Variants in WWC1 observed in about 807,000 individuals in gnomAD.
The protein encoded by WWC1 is WW and C2 domain containing 1.
A neutral mutation model predicts 138.4 loss-of-function variants in WWC1; 55 were observed. That is an observed-to-expected ratio of 0.40 (90% confidence interval 0.32 to 0.50). The LOEUF is 0.50. Ranked by LOEUF, WWC1 falls within the 20% of genes least tolerant of loss-of-function variation. WWC1 has a pLI of 0.72. For missense variants in WWC1, 1,226 were observed against 1,420.4 expected (o/e 0.86, Z 2.20); for synonymous variants, 524 against 564.9 (o/e 0.93, Z 1.03).
intron 1 of WWC1, among the ~76,000 whole-genome samples, chr5:168,312,193 G>T (rs1212558565): frequency 6.6e-6 from 1 of 151,722 alleles, no homozygotes; most frequent in Non-Finnish European, 1.5e-5. Context: ...CTCTAGCCTG[G>T]GTGACAGAAC....
At chr5:168,372,266 C>CA (rs1554099498) in intron 2 of WWC1, among the ~76,000 whole-genome samples, 2 of 151,808 alleles carry the variant, frequency 1.3e-5, no homozygotes, top group Admixed American at 1.3e-4. Context: ...AATCCTCCAG[C>CA]GGGGGAGAGT....
At chr5:168,364,004 C>T (rs7731635) in intron 1 of WWC1, among the ~76,000 whole-genome samples, 77,976 of 151,892 alleles carry the variant, frequency 0.51, 20,519 homozygotes, top group African/African-American at 0.6. Flanking sequence ...TTCTTCACAA[C>T]GCGCAGAACT....
intron 1 of WWC1, chr5:168,316,504 C>T (rs115558331): frequency 0.031 from 4,765 of 152,300 alleles, 243 homozygotes; most frequent in African/African-American, 0.1. Flanking sequence ...CCTGACCTAG[C>T]GAGACTCTAG....
intron 5 of WWC1, among the ~76,000 whole-genome samples, chr5:168,403,006 T>TTTCTC (rs1779430807): frequency 9.5e-6 from 1 of 105,608 alleles, no homozygotes; most frequent in African/African-American, 3.7e-5. Context: ...TGTTGTTTCT[T>TTTCTC]TTTCTTTCTT....
chr5:168,312,270 C>A (rs1159410261), intron 1 of WWC1, among the ~76,000 whole-genome samples: 1 of 151,724 alleles, frequency 6.6e-6, no homozygotes, highest in African/African-American at 2.4e-5. Flanking sequence ...AAGCACAGTT[C>A]TAACTGTTTT....
At chr5:168,347,378 C>G (rs891735267) in intron 1 of WWC1, among the ~76,000 whole-genome samples, 1 of 152,230 alleles carries the variant, frequency 6.6e-6, no homozygotes, top group Admixed American at 6.5e-5. Context: ...TCCGATCCAC[C>G]TTCAGTTGAT....
chr5:168,457,140 A>AT (rs34063177), intron 19 of WWC1, among the ~76,000 whole-genome samples: 15,247 of 119,186 alleles, frequency 0.13, 1,101 homozygotes, highest in East Asian at 0.25. Context: ...TAGAAAGGGC[A>AT]TTTTTTTTTT....
rs746048134 is a variant in WWC1, at chr5:168,414,480, C to T, written c.1074C>T (p.Ser358=). The change falls in exon 9 of 23, where the codon AGC becomes AGT. Residue 358 remains serine (S), a synonymous_variant. Transcript: ENST00000265293. ...TGCTGAAGGAGATGCGCTTCATCAG[C>T]CCCCGCAAGTGGACCCAGGGGGAGG... The part of the protein sequence containing the change: ...EELLKEMRFI[S]PRKWTQGEVE... 27 of 1,563,762 alleles carry T rather than the reference C, an allele frequency of 1.7e-5. No individual in the cohort carries two copies. Among genetic ancestry groups the T allele is most frequent in the African/African-American group, 2.7e-5 (2 of 73,774 alleles).
At chr5:168,320,373 A>G (rs1331846708) in intron 1 of WWC1, among the ~76,000 whole-genome samples, 1 of 152,108 alleles carries the variant, frequency 6.6e-6, no homozygotes, top group African/African-American at 2.4e-5. Context: ...ATGCCACTTC[A>G]AAGCTAGAAA....
intron 15 of WWC1, 141 bp downstream of exon 15, chr5:168,431,585 AATCAGGCTC>A (rs1781949225): frequency 2.1e-6 from 2 of 938,756 alleles, no homozygotes; most frequent in African/African-American, 3.4e-5. Context: ...TTGTGCTATC[AATCAGGCTC>A]ATCTTGGATT....
At chr5:168,368,219 TA>T (rs1776477893) in intron 1 of WWC1, among the ~76,000 whole-genome samples, 1 of 151,732 alleles carries the variant, frequency 6.6e-6, no homozygotes. Context: ...GCCTCCCAAG[TA>T]GCTGGGATTA....
intron 1 of WWC1, among the ~76,000 whole-genome samples, chr5:168,344,544 G>A (rs1774314434): frequency 1.3e-5 from 2 of 152,230 alleles, no homozygotes; most frequent in Admixed American, 1.3e-4. Context: ...ATATGTGTGG[G>A]ATAATAGTAC....
At chr5:168,464,515 A>G (rs769510757) in intron 20 of WWC1, among the ~76,000 whole-genome samples, 1 of 152,338 alleles carries the variant, frequency 6.6e-6, no homozygotes, top group East Asian at 1.9e-4. Flanking sequence ...GGTTATGGAA[A>G]TGAAGTGCTT....
chr5:168,346,270 A>T (rs1774464858), intron 1 of WWC1, among the ~76,000 whole-genome samples: 1 of 152,184 alleles, frequency 6.6e-6, no homozygotes, highest in South Asian at 2.1e-4. Context: ...GTAAGGAGAT[A>T]CAAGATACTT....
intron 9 of WWC1, among the ~76,000 whole-genome samples, chr5:168,418,626 G>A (rs978185466): frequency 6.6e-6 from 1 of 152,126 alleles, no homozygotes; most frequent in East Asian, 1.9e-4. Context: ...ATGCCAGGAC[G>A]TCATGGCAGC....
intron 2 of WWC1, among the ~76,000 whole-genome samples, chr5:168,381,108 C>T (rs1428861653): frequency 1.3e-5 from 2 of 152,090 alleles, no homozygotes; most frequent in East Asian, 3.9e-4. Context: ...GTTTGAGAAC[C>T]AGTTCTGGTG....
rs147696912 is a variant in WWC1 at position 168,309,169 on chromosome 5, G to A, written c.119+16898G>A. Among the ~76,000 whole-genome samples, 1,043 of 152,240 alleles carry A rather than the reference G, an allele frequency of 6.9e-3. 7 individuals are homozygous for A. The highest frequency in any genetic ancestry group is 0.012 in the Admixed American group (185 of 15,294). On this transcript the variant is annotated intron_variant, in intron 1 of 22. Coordinates refer to ENST00000265293, the MANE Select transcript of WWC1 (RefSeq NM_015238.3). ...AGGGTCATCCTCATCCAGAGGAGGTGGGGCATTTTGCACTCTTCTCCCTCT... is the reference window on the plus strand; with the variant it reads ...AGGGTCATCCTCATCCAGAGGAGGTAGGGCATTTTGCACTCTTCTCCCTCT...
intron 1 of WWC1, among the ~76,000 whole-genome samples, chr5:168,298,281 C>T (rs555441347): frequency 1.3e-5 from 2 of 152,022 alleles, no homozygotes; most frequent in South Asian, 4.1e-4. Context: ...TCAAGTTATC[C>T]GCCTGCCTCA....
At chr5:168,419,268 A>G (rs763674248) in intron 9 of WWC1, among the ~76,000 whole-genome samples, 1 of 152,214 alleles carries the variant, frequency 6.6e-6, no homozygotes, top group Non-Finnish European at 1.5e-5. Flanking sequence ...GCAGGTTGAC[A>G]TGAGGGGATG....
Sources: allele counts gnomAD v4.1 joint callset (sites outside exome capture counted in the v4.1 genomes callset), GRCh38; gene constraint gnomAD v4.1.1; transcripts MANE v1.5; gene names NCBI Gene and HGNC (gene_info 2026-07-23, HGNC 2026-07-21).